SSPN: variants seen among roughly 807,000 people sequenced by gnomAD.
SSPN encodes the protein sarcospan.
In SSPN, 15 loss-of-function variants were observed where a neutral mutation model predicts 19.1. That is an observed-to-expected ratio of 0.78 (90% CI 0.52 to 1.21). SSPN has a LOEUF of 1.21. Ranked by LOEUF, SSPN falls within the 50% of genes most tolerant of loss-of-function variation. SSPN has a pLI of 0.00. For missense variants in SSPN, 291 were observed against 314.0 expected, an observed-to-expected ratio of 0.93 and a Z score of 0.55; for synonymous variants, 147 against 140.3, an observed-to-expected ratio of 1.05 and a Z score of -0.34.
At chr12:26,195,565 C>T (rs1008240714), upstream of SSPN, 3 of 1,309,076 alleles carry the variant, frequency 2.3e-6, no homozygotes, top group African/African-American at 3.1e-5. Flanking sequence ...CATATTTGTT[C>T]AGCCTCCATA....
chr12:26,187,302 AAG>A (rs1253766467), intron 1 of SSPN, among the ~76,000 whole-genome samples: 2 of 152,194 alleles, frequency 1.3e-5, no homozygotes, highest in Admixed American at 1.3e-4. Flanking sequence ...CCACAATATA[AAG>A]AGAGAGTTTT....
chr12:26,198,168 G>C lies in SSPN; in HGVS notation c.279+2217G>C, dbSNP rs866893043. 4.6e-3 allele frequency among the ~76,000 whole-genome samples: 678 copies of C among 148,926 alleles called. 6 individuals are homozygous for C. The highest frequency in any genetic ancestry group is 0.016 in the African/African-American group (648 of 41,386). On this transcript the variant is annotated intron_variant, in intron 1 of 2. Transcript: ENST00000242729. Reference sequence around the variant, plus strand: ...GTGTGCTGAATAACTTTGAGTTTTGGGGGGGGGTTTTTGGAGACAGAGACT... The same window carrying C: ...GTGTGCTGAATAACTTTGAGTTTTGCGGGGGGGTTTTTGGAGACAGAGACT...
At chr12:26,196,050 C>T (rs988075252) in intron 1 of SSPN, 99 bp downstream of exon 1, 2 of 1,018,574 alleles carry the variant, frequency 2.0e-6, no homozygotes, top group Admixed American at 4.0e-5. Context: ...TGCCCTTCCC[C>T]GGGTTCACTC....
At chr12:26,208,022 G>C (rs1056922968) in intron 1 of SSPN, among the ~76,000 whole-genome samples, 25 of 119,878 alleles carry the variant, frequency 2.1e-4, no homozygotes, top group South Asian at 5.2e-4. Context: ...TGGTGGTGGG[G>C]GGGGGGGATA....
At chr12:26,213,545 G>A (rs1027275698) in intron 1 of SSPN, among the ~76,000 whole-genome samples, 2 of 151,680 alleles carry the variant, frequency 1.3e-5, no homozygotes, top group Non-Finnish European at 2.9e-5. Context: ...ATACTTCACA[G>A]TTCCCTTTTG....
intron 1 of SSPN, among the ~76,000 whole-genome samples, chr12:26,218,864 A>G (rs1945088882): frequency 6.6e-6 from 1 of 152,222 alleles, no homozygotes; most frequent in Non-Finnish European, 1.5e-5. Flanking sequence ...ATCTTAATGT[A>G]TATTAAATAG....
chr12:26,140,652 G>A (rs1375165160), intron 1 of SSPN, among the ~76,000 whole-genome samples: 1 of 152,120 alleles, frequency 6.6e-6, no homozygotes, highest in East Asian at 1.9e-4. Flanking sequence ...TTAAAATTGT[G>A]TAGCACCTTC....
intron 1 of SSPN, among the ~76,000 whole-genome samples, chr12:26,210,303 A>C (rs1465795204): frequency 1.3e-5 from 2 of 152,126 alleles, no homozygotes; most frequent in Non-Finnish European, 1.5e-5. Flanking sequence ...AATAATCAAT[A>C]TACTAATAAT....
intron 1 of SSPN, chr12:26,124,883 GTC>G (rs368782597): frequency 2.3e-5 from 26 of 1,134,468 alleles, no homozygotes; most frequent in Non-Finnish European, 3.1e-5. Flanking sequence ...TGCGTCTCCA[GTC>G]TCTCTCTCGC....
At chr12:26,197,636 A>C (rs536119714) in intron 1 of SSPN, among the ~76,000 whole-genome samples, 2 of 152,350 alleles carry the variant, frequency 1.3e-5, no homozygotes, top group East Asian at 3.9e-4. Flanking sequence ...TAAGGCATGA[A>C]CATAAAAACC....
At chr12:26,151,768 C>G (rs186987199) in intron 1 of SSPN, among the ~76,000 whole-genome samples, 194 of 152,280 alleles carry the variant, frequency 1.3e-3, no homozygotes, top group African/African-American at 4.5e-3. Flanking sequence ...TACTAACACA[C>G]TATGCCACAT....
chr12:26,211,174 T>C (rs1156625395), intron 1 of SSPN: 1 of 152,196 alleles, frequency 6.6e-6, no homozygotes, highest in Non-Finnish European at 1.5e-5. Context: ...CATAATCAAC[T>C]TTATTGCTTC....
rs553185755 is a variant in SSPN, at chr12:26,232,845, C to T, written c.*1769C>T. ...ACATTGGAGAGCTTAGAGGATAAGTCTCTGGAGCAGAATTTATCACACACA... is the reference window on the plus strand; with the variant it reads ...ACATTGGAGAGCTTAGAGGATAAGTTTCTGGAGCAGAATTTATCACACACA... On this transcript the variant is annotated 3_prime_UTR_variant, in exon 3 of 3. Coordinates refer to ENST00000242729, the MANE Select transcript of SSPN (RefSeq NM_005086.5). The T allele has an allele frequency of 9.5e-6, 4 of 419,074 alleles. 1 individual carries two copies. The highest frequency in any genetic ancestry group is 6.7e-5 in the Admixed American group (1 of 14,966). The allele number at this position is 419,074 out of a possible 1,614,324, so 26.0% of individuals were successfully genotyped here. A position where few individuals can be genotyped will look rare whatever the true frequency, so the allele number is the denominator to read the frequency against.
At chr12:26,174,929 G>C (rs1465835063) in intron 1 of SSPN, among the ~76,000 whole-genome samples, 1 of 152,076 alleles carries the variant, frequency 6.6e-6, no homozygotes, top group African/African-American at 2.4e-5. Context: ...TTTTTTGTTT[G>C]TTTTTGGTCT....
At chr12:26,132,037 C>T (rs1944399743) in intron 1 of SSPN, among the ~76,000 whole-genome samples, 1 of 152,112 alleles carries the variant, frequency 6.6e-6, no homozygotes, top group African/African-American at 2.4e-5. Flanking sequence ...GTCATGGGAG[C>T]CCCTGCCAGA....
At chr12:26,125,267 T>G in intron 1 of SSPN, 3 of 153,926 alleles carry the variant, frequency 1.9e-5, no homozygotes, top group Non-Finnish European at 3.7e-5. Context: ...CCAAAGGCGA[T>G]GCAGTCGGCA....
At chr12:26,148,563 T>C (rs2137413223) in intron 1 of SSPN, among the ~76,000 whole-genome samples, 1 of 152,318 alleles carries the variant, frequency 6.6e-6, no homozygotes, top group East Asian at 1.9e-4. Flanking sequence ...ATTCCTCTAC[T>C]TAACGTTTTA....
At chr12:26,139,956 G>T (rs1458467472) in intron 1 of SSPN, among the ~76,000 whole-genome samples, 1 of 152,122 alleles carries the variant, frequency 6.6e-6, no homozygotes, top group Non-Finnish European at 1.5e-5. Context: ...AGTTTTCCTG[G>T]ATATGCTCTT....
At chr12:26,131,681 G>A (rs887662665) in intron 1 of SSPN, among the ~76,000 whole-genome samples, 1 of 152,220 alleles carries the variant, frequency 6.6e-6, no homozygotes, top group Non-Finnish European at 1.5e-5. Flanking sequence ...AATTTCTAAG[G>A]CTGGGATTGG....
Sources: gnomAD v4.1 joint callset for allele counts (sites outside exome capture counted in the v4.1 genomes callset) on GRCh38, gnomAD v4.1.1 for gene constraint, MANE v1.5 for transcripts, NCBI Gene and HGNC (gene_info 2026-07-23, HGNC 2026-07-21) for gene names.